Variants in MEGF10 observed in about 807,000 individuals in gnomAD.
The protein encoded by MEGF10 is multiple epidermal growth factor-like domains protein 10.
MEGF10 carries 86 observed loss-of-function variants against 147.5 expected under a neutral mutation model. The ratio of observed to expected loss-of-function variants is 0.58; its 90% CI spans 0.49 to 0.70. The LOEUF (loss-of-function observed/expected upper bound fraction) is 0.70, where lower values mean the gene tolerates loss of function less well. Ranked by LOEUF, MEGF10 falls within the 30% of genes least tolerant of loss-of-function variation. The probability of loss-of-function intolerance (pLI) is 0.00; values close to 1 mark genes in which losing one functional copy is unlikely to be tolerated. For missense variants in MEGF10, 1,329 were observed against 1,487.3 expected (o/e 0.89, Z 1.75); for synonymous variants, 478 against 525.5 (o/e 0.91, Z 1.24).
At chr5:127,307,353 G>C (rs1400405516) in intron 1 of MEGF10, among the ~76,000 whole-genome samples, 2 of 152,214 alleles carry the variant, frequency 1.3e-5, no homozygotes, top group Admixed American at 6.5e-5. Flanking sequence ...GTGCAGCTGA[G>C]TGGTGAGAAT....
intron 13 of MEGF10, 128 bp from the exon 14 acceptor site, chr5:127,433,235 C>G (rs543425714): frequency 9.5e-7 from 1 of 1,056,578 alleles, no homozygotes; most frequent in African/African-American, 1.6e-5. Flanking sequence ...AAGATGGTAA[C>G]TCTCCATTCA....
In MEGF10 at chr5:127,294,828, AT is replaced by A. The variant is rs1275527880; in HGVS notation, c.-19+3773del. ...AATAATAATAATAATAATAATAATA[AT>A]AATAATAAATAACTTGGAGTAGAAA... On this transcript the variant is annotated intron_variant, in intron 1 of 24. Transcript: ENST00000503335. Among the ~76,000 whole-genome samples, 35 of 146,398 alleles carry A rather than the reference AT, an allele frequency of 2.4e-4. 1 individual carries two copies. The highest frequency in any genetic ancestry group is 4.2e-4 in the Admixed American group (6 of 14,250).
At position 127,378,360 on chromosome 5, in the gene MEGF10, C is replaced by T. The variant is rs147170940; in HGVS notation, c.412+8358C>T. On this transcript the variant is annotated intron_variant, in intron 5 of 24. Coordinates refer to ENST00000503335, the MANE Select transcript of MEGF10 (RefSeq NM_001256545.2). The stretch of plus-strand genomic sequence containing the variant: ...TGTGACAAACATAGCTTACACCACA[C>T]TTCTTCACACATGGCCCAGTCTTTT... Among the ~76,000 whole-genome samples, 490 of 152,336 alleles carry T rather than the reference C, an allele frequency of 3.2e-3. 4 individuals carry two copies. Among genetic ancestry groups the T allele is most frequent in the African/African-American group, 0.011 (471 of 41,562 alleles).
At chr5:127,245,737 A>C in the MEGF10 span, among the ~76,000 whole-genome samples, 1 of 152,234 alleles carries the variant, frequency 6.6e-6, no homozygotes, top group African/African-American at 2.4e-5. Flanking sequence ...TCCAGAATCT[A>C]TAGGGAACTT....
intron 22 of MEGF10, among the ~76,000 whole-genome samples, chr5:127,450,509 TGTA>T (rs1561655118): frequency 5.9e-5 from 9 of 152,226 alleles, no homozygotes; most frequent in Non-Finnish European, 1.5e-5. Flanking sequence ...AGTTTGATGA[TGTA>T]GTAACTTACA....
At chr5:127,374,001 G>C (rs1440986353) in intron 5 of MEGF10, among the ~76,000 whole-genome samples, 2 of 152,158 alleles carry the variant, frequency 1.3e-5, no homozygotes, top group Non-Finnish European at 2.9e-5. Context: ...AGTCTCACCA[G>C]AAGCACTCTG....
intron 5 of MEGF10, among the ~76,000 whole-genome samples, chr5:127,395,155 A>G (rs900330955): frequency 1.3e-5 from 2 of 152,214 alleles, no homozygotes; most frequent in Admixed American, 1.3e-4. Flanking sequence ...CATCTAATAA[A>G]TATACCGCTG....
intron 4 of MEGF10, among the ~76,000 whole-genome samples, chr5:127,342,878 T>C (rs980992088): frequency 1.3e-5 from 2 of 152,092 alleles, no homozygotes; most frequent in East Asian, 1.9e-4. Context: ...ATCAGCTTAC[T>C]CTCTAGTCTC....
rs1334325128 is a variant in MEGF10 at position 127,438,485 on chromosome 5, C to A, written c.2151C>A (p.Asn717Lys). ...HWGPNCIHTC[N>K]CHNGAFCSAY... ...GCCCAAACTGCATCCACACGTGCAACTGCCATAATGGAGCTTTCTGCAGCG... is the reference window on the plus strand; with the variant it reads ...GCCCAAACTGCATCCACACGTGCAAATGCCATAATGGAGCTTTCTGCAGCG... The change falls in exon 17 of 25, where the codon AAC (asparagine) becomes AAA (lysine). Residue 717 changes from asparagine to lysine, a missense_variant. Around this residue, in one of 3 missense-constraint regions of MEGF10, gnomAD observed 980 missense variants for 1,085.9 expected, o/e 0.90. Coordinates refer to ENST00000503335, the MANE Select transcript of MEGF10 (RefSeq NM_001256545.2). 1 of 1,614,184 alleles carries A rather than the reference C, an allele frequency of 6.2e-7. No individual in the cohort carries two copies. The highest frequency in any genetic ancestry group is 8.5e-7 in the Non-Finnish European group (1 of 1,180,022).
chr5:127,425,125 C>G lies in MEGF10; in HGVS notation c.1693+2353C>G, dbSNP rs144666700. On this transcript the variant is annotated intron_variant, in intron 13 of 24. Coordinates refer to ENST00000503335, the MANE Select transcript of MEGF10 (RefSeq NM_001256545.2). ...AGAACTATCCTGTGAAAGGCACACT[C>G]TAGTATACATGAGAAGAGCAAGAGA... Among the ~76,000 whole-genome samples the G allele has an allele frequency of 3.9e-3, 600 of 152,320 alleles. 6 individuals carry two copies. The highest frequency in any genetic ancestry group is 0.014 in the African/African-American group (573 of 41,568).
intron 20 of MEGF10, 34 bp downstream of exon 20, chr5:127,445,727 T>C (rs983778527): frequency 6.6e-7 from 1 of 1,525,966 alleles, no homozygotes; most frequent in African/African-American, 1.4e-5. Context: ...ATTTTGCTTC[T>C]TGAAAAGTTA....
At position 127,398,777 on chromosome 5, in the gene MEGF10, C is replaced by T. The variant is rs748375600; in HGVS notation, c.761C>T (p.Ser254Phe). Residue 254 changes from serine (S) to phenylalanine (F), a missense_variant, in exon 7 of 25, where the codon TCT becomes TTT. Physicochemically the swap from Ser to Phe is radical, Grantham distance 155. Transcript: ENST00000503335. ...TGTCATCACGTCACTGGAGAATGCTCTTGCCCTTCTGGCTGGATGGTAAGC... is the reference window on the plus strand; with the variant it reads ...TGTCATCACGTCACTGGAGAATGCTTTTGCCCTTCTGGCTGGATGGTAAGC... The part of the protein sequence containing the change: ...GVCHHVTGEC[S>F]CPSGWMGTVC... 1.9e-6 allele frequency: 3 copies of T among 1,613,712 alleles called. No individual in the cohort carries two copies. Among genetic ancestry groups the T allele is most frequent in the Middle Eastern group, 1.7e-4 (1 of 5,958 alleles).
chr5:127,341,759 G>C (rs1270639060), intron 4 of MEGF10, among the ~76,000 whole-genome samples: 1 of 152,140 alleles, frequency 6.6e-6, no homozygotes, highest in Admixed American at 6.6e-5. Context: ...TTCCTGGTCA[G>C]TAATTATACT....
At chr5:127,347,130 G>A (rs948870645) in intron 4 of MEGF10, among the ~76,000 whole-genome samples, 18 of 151,944 alleles carry the variant, frequency 1.2e-4, no homozygotes, top group African/African-American at 4.3e-4. Context: ...TTGCATTAGG[G>A]ATGCTCCACC....
chr5:127,291,824 A>G (rs890610042), intron 1 of MEGF10, among the ~76,000 whole-genome samples: 12 of 152,234 alleles, frequency 7.9e-5, no homozygotes, highest in Non-Finnish European at 1.5e-4. Flanking sequence ...GAGCAAATGA[A>G]TGATGGCAAT....
At chr5:127,331,156 G>A in intron 1 of MEGF10, 135 bp from the exon 2 acceptor site, 1 of 570,540 alleles carries the variant, frequency 1.8e-6, no homozygotes. Context: ...TTGGTGACCT[G>A]GCTATTGAAA....
the MEGF10 span, among the ~76,000 whole-genome samples, chr5:127,247,310 GAA>G: frequency 6.0e-5 from 5 of 83,050 alleles, no homozygotes; most frequent in South Asian, 8.6e-4. Flanking sequence ...GAGAGCGAGA[GAA>G]AGAGAGAGAA....
At chr5:127,367,070 C>G (rs1246753406) in intron 4 of MEGF10, among the ~76,000 whole-genome samples, 1 of 152,108 alleles carries the variant, frequency 6.6e-6, no homozygotes, top group Non-Finnish European at 1.5e-5. Context: ...CCAGTTGATT[C>G]AGGTGGAACT....
chr5:127,349,054 AT>A (rs1761996779), intron 4 of MEGF10, among the ~76,000 whole-genome samples: 1 of 152,186 alleles, frequency 6.6e-6, no homozygotes, highest in Non-Finnish European at 1.5e-5. Flanking sequence ...AAACTTTAAA[AT>A]AACATTTTAA....
Sources: gnomAD v4.1 joint callset for allele counts (sites outside exome capture counted in the v4.1 genomes callset) on GRCh38, gnomAD v4.1.1 for gene constraint, gnomAD v4.1.1 regional missense constraint, MANE v1.5 for transcripts, NCBI Gene and HGNC (gene_info 2026-07-23, HGNC 2026-07-21) for gene names.